RASGRP3: variants seen among roughly 807,000 people sequenced by gnomAD.
RASGRP3 encodes the protein ras guanyl-releasing protein 3.
RASGRP3 carries 54 observed loss-of-function variants against 82.7 expected under a neutral mutation model. The observed-to-expected ratio is 0.65, with a 90% CI of 0.52 to 0.82. The LOEUF (loss-of-function observed/expected upper bound fraction) is 0.82. Ranked by LOEUF, RASGRP3 falls within the 40% of genes least tolerant of loss-of-function variation. The probability of loss-of-function intolerance (pLI) is 0.00; values close to 1 mark genes in which losing one functional copy is unlikely to be tolerated. For missense variants in RASGRP3, 861 were observed against 828.9 expected (o/e 1.04, Z -0.48); for synonymous variants, 309 against 300.5 (o/e 1.03, Z -0.29).
chr2:33,514,775 G>T (rs1390604794), intron 2 of RASGRP3, among the ~76,000 whole-genome samples: 1 of 151,988 alleles, frequency 6.6e-6, no homozygotes, highest in African/African-American at 2.4e-5. Flanking sequence ...CAGTGAAGTG[G>T]GATGGTATAT....
chr2:33,516,607 T>C lies in RASGRP3; in HGVS notation c.136T>C (p.Leu46=). The change falls in exon 4 of 18, where the codon TTA becomes CTA. Residue 46 remains leucine (L), a synonymous_variant. Transcript: ENST00000403687. ...AGTTCTACTGATGCACCGATGGTATTTATCTTCCACTGAATTGGCAGAAAA... is the reference window on the plus strand; with the variant it reads ...AGTTCTACTGATGCACCGATGGTATCTATCTTCCACTGAATTGGCAGAAAA... The part of the protein sequence containing the change: ...RIVLLMHRWY[L]SSTELAEKLL... 1 of 1,591,460 alleles carries C rather than the reference T, an allele frequency of 6.3e-7. No individual in the cohort carries two copies. The highest frequency in any genetic ancestry group is 8.6e-7 in the Non-Finnish European group (1 of 1,164,212).
intron 14 of RASGRP3, among the ~76,000 whole-genome samples, chr2:33,551,025 A>G (rs1252941940): frequency 2.6e-5 from 4 of 152,196 alleles, no homozygotes; most frequent in Non-Finnish European, 5.9e-5. Context: ...CATAAAACAA[A>G]TGGTTGGCCA....
intron 8 of RASGRP3, among the ~76,000 whole-genome samples, 155 bp downstream of exon 8, chr2:33,524,207 C>A (rs571429830): frequency 6.6e-6 from 1 of 152,290 alleles, no homozygotes; most frequent in Non-Finnish European, 1.5e-5. Context: ...TTTTGTCATG[C>A]AAGAAGATTG....
chr2:33,473,727 C>G (rs1667196126), upstream of RASGRP3, among the ~76,000 whole-genome samples: 1 of 152,176 alleles, frequency 6.6e-6, no homozygotes, highest in Non-Finnish European at 1.5e-5. Flanking sequence ...GGGTCTTGGC[C>G]TCTGTGTTAA....
At chr2:33,483,126 C>T (rs1275630315) in intron 1 of RASGRP3, among the ~76,000 whole-genome samples, 1 of 152,020 alleles carries the variant, frequency 6.6e-6, no homozygotes, top group Admixed American at 6.6e-5. Flanking sequence ...AACCTTGATG[C>T]CCCTATTGTA....
intron 1 of RASGRP3, among the ~76,000 whole-genome samples, chr2:33,444,944 A>T (rs1010142858): frequency 6.6e-6 from 1 of 152,250 alleles, no homozygotes; most frequent in Non-Finnish European, 1.5e-5. Context: ...TATAGACATT[A>T]TGCTCCTAAT....
chr2:33,485,935 C>G (rs891247016), intron 1 of RASGRP3, among the ~76,000 whole-genome samples: 1 of 152,176 alleles, frequency 6.6e-6, no homozygotes, highest in Non-Finnish European at 1.5e-5. Context: ...GGAACACCAT[C>G]TCACATCTAA....
intron 13 of RASGRP3, among the ~76,000 whole-genome samples, chr2:33,547,183 C>A (rs1674861733): frequency 6.6e-6 from 1 of 151,694 alleles, no homozygotes; most frequent in South Asian, 2.1e-4. Context: ...CAGGTTCTCA[C>A]TTCTAAGTGA....
At chr2:33,454,882 G>A (rs554482856) in intron 2 of RASGRP3, among the ~76,000 whole-genome samples, 3 of 152,150 alleles carry the variant, frequency 2.0e-5, no homozygotes, top group Non-Finnish European at 4.4e-5. Flanking sequence ...CTAAAAATTT[G>A]GGGAAGGGAG....
chr2:33,482,071 T>C (rs1667983681), intron 1 of RASGRP3: 1 of 150,784 alleles, frequency 6.6e-6, no homozygotes, highest in Admixed American at 6.6e-5. Context: ...TGGAGTGCAG[T>C]GGCACAATCT....
intron 14 of RASGRP3, chr2:33,555,223 C>G: frequency 9.0e-6 from 2 of 221,408 alleles, no homozygotes; most frequent in Non-Finnish European, 8.8e-6. Context: ...GACCAAGTGG[C>G]CATCTCCTCT....
intron 17 of RASGRP3, 37 bp from the exon 18 acceptor site, chr2:33,562,692 G>C (rs752985871): frequency 1.2e-6 from 2 of 1,609,136 alleles, no homozygotes; most frequent in Admixed American, 1.7e-5. Flanking sequence ...TGTTATATGA[G>C]ATCCAGCCAT....
At chr2:33,453,621 C>T (rs73926650) in intron 2 of RASGRP3, among the ~76,000 whole-genome samples, 1 of 152,092 alleles carries the variant, frequency 6.6e-6, no homozygotes. Flanking sequence ...TTTTTTATGA[C>T]CTTGCCTTGG....
intron 2 of RASGRP3, among the ~76,000 whole-genome samples, chr2:33,465,522 CA>C (rs1000109694): frequency 1.3e-5 from 2 of 152,050 alleles, no homozygotes; most frequent in African/African-American, 4.8e-5. Context: ...GACCCTGTGT[CA>C]AAAATAAATA....
At chr2:33,555,326 A>G (rs556710411) in intron 14 of RASGRP3, 66 of 411,576 alleles carry the variant, frequency 1.6e-4, no homozygotes, top group African/African-American at 1.4e-3. Context: ...TGAGAAAGAA[A>G]AGGGAAAGGA....
intron 9 of RASGRP3, among the ~76,000 whole-genome samples, chr2:33,525,164 A>G (rs973797763): frequency 6.6e-5 from 10 of 151,842 alleles, no homozygotes; most frequent in Non-Finnish European, 8.8e-5. Flanking sequence ...TGGTCCTACT[A>G]TGTGATAGGC....
In RASGRP3 at chr2:33,556,451, G is replaced by A. The variant is rs1675972623; in HGVS notation, c.1579+884G>A. On this transcript the variant is annotated intron_variant, in intron 15 of 17. Coordinates refer to ENST00000403687, the MANE Select transcript of RASGRP3 (RefSeq NM_001139488.2). ...TTTAGTAGAGACGGGGTTTCACCTT[G>A]TTAGCCAGGATGGTCTCGATCTCCT... Among the ~76,000 whole-genome samples the A allele has an allele frequency of 2.2e-5, 2 of 91,444 alleles. 1 individual carries two copies. The highest frequency in any genetic ancestry group is 1.5e-4 in the African/African-American group (2 of 13,510). 60.0% of individuals were successfully genotyped at this position (91,444 alleles called of 152,430 possible). A position where few individuals can be genotyped will look rare whatever the true frequency, so the allele number is the denominator to read the frequency against.
Position 33,555,528 on chromosome 2 carries a change from C to A in RASGRP3, c.1543-3C>A. ...CCTGACATTCCTTTGTCTTTTGTTACAGCTCTGGGGCATAATCAAGCAAGG... is the reference window on the plus strand; with the variant it reads ...CCTGACATTCCTTTGTCTTTTGTTAAAGCTCTGGGGCATAATCAAGCAAGG... On this transcript the variant is annotated splice_polypyrimidine_tract_variant and splice_region_variant and intron_variant, in intron 14 of 17. Transcript: ENST00000403687. 6.3e-7 allele frequency: 1 copy of A among 1,596,192 alleles called. No homozygotes were observed. The highest frequency in any genetic ancestry group is 1.7e-5 in the Admixed American group (1 of 59,106).
chr2:33,443,745 G>A (rs1380658655), intron 1 of RASGRP3, among the ~76,000 whole-genome samples: 5 of 150,330 alleles, frequency 3.3e-5, no homozygotes, highest in Non-Finnish European at 7.4e-5. Context: ...GCTGGGCATG[G>A]TGGTACGTGC....
Sources: gnomAD v4.1 joint callset for allele counts (sites outside exome capture counted in the v4.1 genomes callset) on GRCh38, gnomAD v4.1.1 for gene constraint, MANE v1.5 for transcripts, NCBI Gene and HGNC (gene_info 2026-07-23, HGNC 2026-07-21) for gene names.